RASAL2: variants seen among roughly 807,000 people sequenced by gnomAD.
RASAL2 encodes the protein RAS protein activator like 2.
Under a neutral mutation model 128.9 loss-of-function variants are expected in RASAL2, and 58 were observed. The ratio of observed to expected loss-of-function variants is 0.45; its 90% CI spans 0.36 to 0.56. The LOEUF (loss-of-function observed/expected upper bound fraction) is 0.56, where lower values mean the gene tolerates loss of function less well. RASAL2 is among the 20% of genes least tolerant of loss of function. The pLI is 0.00. For synonymous variants in RASAL2, 561 were observed against 580.8 expected (o/e 0.97, Z 0.49); for missense variants, 1,360 against 1,601.6 (o/e 0.85, Z 2.57).
intron 1 of RASAL2, among the ~76,000 whole-genome samples, chr1:178,153,922 A>G (rs1386728902): frequency 6.6e-6 from 1 of 151,878 alleles, no homozygotes. Context: ...TGCAACCTCT[A>G]CCTCCTGGGT....
intron 3 of RASAL2, among the ~76,000 whole-genome samples, chr1:178,345,950 G>A (rs892620394): frequency 6.6e-6 from 1 of 152,314 alleles, no homozygotes; most frequent in Middle Eastern, 3.4e-3. Context: ...TTTTCTCAAA[G>A]TATGGGAAAC....
At chr1:178,393,008 A>T (rs964907437) in intron 4 of RASAL2, among the ~76,000 whole-genome samples, 2 of 152,208 alleles carry the variant, frequency 1.3e-5, no homozygotes, top group Admixed American at 6.5e-5. Flanking sequence ...GAGGAAATTT[A>T]TATGGCTACT....
intron 1 of RASAL2, among the ~76,000 whole-genome samples, chr1:178,147,109 A>T (rs1476738550): frequency 6.6e-6 from 1 of 151,090 alleles, no homozygotes; most frequent in African/African-American, 2.4e-5. Context: ...TACTTGTGGT[A>T]GATAATCGTT....
intron 1 of RASAL2, among the ~76,000 whole-genome samples, chr1:178,118,099 G>A (rs940180957): frequency 3.3e-5 from 5 of 151,780 alleles, no homozygotes; most frequent in Non-Finnish European, 7.4e-5. Context: ...GGGAGGTGGA[G>A]GTTGCAGTAG....
chr1:178,443,046 G>T lies in RASAL2; in HGVS notation c.1299G>T (p.Arg433=). 1 of 1,614,044 alleles carries T rather than the reference G, an allele frequency of 6.2e-7. No homozygotes were observed. The highest frequency in any genetic ancestry group is 8.5e-7 in the Non-Finnish European group (1 of 1,179,962). ...GAAAGACAGGAGGACCTTCTATTCG[G>T]ATTAAATCACGTTTCCAAACTATCA... ...NKGKTGGPSI[R]IKSRFQTITI... Residue 433 remains arginine, a synonymous_variant, in exon 8 of 18, where the codon CGG becomes CGT. Coordinates refer to ENST00000367649, the MANE Select transcript of RASAL2 (RefSeq NM_170692.4).
chr1:178,319,007 AG>A (rs1175252024), intron 3 of RASAL2, among the ~76,000 whole-genome samples: 1 of 152,152 alleles, frequency 6.6e-6, no homozygotes, highest in Non-Finnish European at 1.5e-5. Flanking sequence ...AAAATCAGTC[AG>A]CATTTGCTTG....
At chr1:178,249,721 T>G (rs1300579449) in intron 1 of RASAL2, among the ~76,000 whole-genome samples, 1 of 152,196 alleles carries the variant, frequency 6.6e-6, no homozygotes, top group African/African-American at 2.4e-5. Context: ...GGATGGGTTT[T>G]CTGTATGGGT....
At chr1:178,212,748 C>T (rs1663296379) in intron 1 of RASAL2, among the ~76,000 whole-genome samples, 7 of 152,150 alleles carry the variant, frequency 4.6e-5, no homozygotes, top group Admixed American at 4.6e-4. Flanking sequence ...CCTCAGCCTC[C>T]CAAAAGTGTT....
At chr1:178,121,850 C>G (rs1412140035) in intron 1 of RASAL2, among the ~76,000 whole-genome samples, 3 of 152,146 alleles carry the variant, frequency 2.0e-5, no homozygotes, top group Non-Finnish European at 4.4e-5. Context: ...TCATGTTACT[C>G]TGTGTATAGC....
At chr1:178,294,452 C>A (rs79987194) in intron 2 of RASAL2, among the ~76,000 whole-genome samples, 1 of 152,176 alleles carries the variant, frequency 6.6e-6, no homozygotes, top group East Asian at 1.9e-4. Flanking sequence ...AGGGGCAGAA[C>A]GTCCCAGGCA....
chr1:178,099,767 C>T (rs1658824020), intron 1 of RASAL2, among the ~76,000 whole-genome samples: 2 of 151,992 alleles, frequency 1.3e-5, no homozygotes, highest in Non-Finnish European at 2.9e-5. Context: ...TCAAGACCAG[C>T]CTGGCCAACA....
At chr1:178,186,939 T>C (rs1037522190) in intron 1 of RASAL2, among the ~76,000 whole-genome samples, 7 of 151,990 alleles carry the variant, frequency 4.6e-5, no homozygotes, top group African/African-American at 1.7e-4. Flanking sequence ...TCCTCCCGCC[T>C]CAACTTTCTG....
At chr1:178,454,963 C>A (rs1157573059) in intron 12 of RASAL2, among the ~76,000 whole-genome samples, 1 of 151,958 alleles carries the variant, frequency 6.6e-6, no homozygotes, top group African/African-American at 2.4e-5. Flanking sequence ...CAGCCTTATG[C>A]ATGTCTAATA....
intron 3 of RASAL2, among the ~76,000 whole-genome samples, chr1:178,350,216 T>TTC (rs948983938): frequency 9.9e-5 from 15 of 152,100 alleles, no homozygotes; most frequent in African/African-American, 3.4e-4. Context: ...TCCCCCAGCC[T>TTC]TCTCTCTCTC....
At chr1:178,131,602 A>T (rs1354934142) in intron 1 of RASAL2, among the ~76,000 whole-genome samples, 2 of 152,068 alleles carry the variant, frequency 1.3e-5, no homozygotes, top group East Asian at 3.9e-4. Context: ...AACTCTTGCA[A>T]GGTGGTGGTG....
intron 3 of RASAL2, among the ~76,000 whole-genome samples, chr1:178,344,832 C>T (rs951103363): frequency 2.0e-5 from 3 of 152,118 alleles, no homozygotes; most frequent in African/African-American, 7.2e-5. Context: ...GACAATGATT[C>T]AAGAAAATGA....
At chr1:178,208,539 G>A (rs543470813) in intron 1 of RASAL2, among the ~76,000 whole-genome samples, 8 of 152,226 alleles carry the variant, frequency 5.3e-5, no homozygotes, top group South Asian at 2.1e-4. Flanking sequence ...CCTGTTCTCC[G>A]TTGTTTAAGA....
At chr1:178,390,255 T>C in intron 4 of RASAL2, 49 bp downstream of exon 4, 1 of 1,418,100 alleles carries the variant, frequency 7.1e-7, no homozygotes, top group Non-Finnish European at 9.8e-7. Flanking sequence ...CCTTTTCTCC[T>C]TTCTTCTTAG....
chr1:178,251,467 T>C (rs1665054180), intron 1 of RASAL2, among the ~76,000 whole-genome samples: 1 of 152,210 alleles, frequency 6.6e-6, no homozygotes, highest in Non-Finnish European at 1.5e-5. Flanking sequence ...TAAAACTATA[T>C]GTAAAAATCA....
Sources: allele counts gnomAD v4.1 joint callset (sites outside exome capture counted in the v4.1 genomes callset), GRCh38; gene constraint gnomAD v4.1.1; transcripts MANE v1.5; gene names NCBI Gene and HGNC (gene_info 2026-07-23, HGNC 2026-07-21).